Variants in ZNF700 observed in about 807,000 individuals in gnomAD.
The protein encoded by ZNF700 is zinc finger protein 700.
Under a neutral mutation model 65.3 loss-of-function variants are expected in ZNF700, and 38 were observed. That is an observed-to-expected ratio of 0.58 (90% confidence interval 0.45 to 0.76). The LOEUF is 0.76. Ranked by LOEUF, ZNF700 falls within the 30% of genes least tolerant of loss-of-function variation. The probability of loss-of-function intolerance (pLI) is 0.00; values close to 1 mark genes in which losing one functional copy is unlikely to be tolerated. For synonymous variants in ZNF700, 285 were observed against 290.4 expected, an observed-to-expected ratio of 0.98 and a Z score of 0.19; for missense variants, 857 against 888.4, an observed-to-expected ratio of 0.96 and a Z score of 0.45.
At chr19:11,939,436 CTACATAT>C (rs1475484608) in intron 1 of ZNF700, among the ~76,000 whole-genome samples, 1 of 152,158 alleles carries the variant, frequency 6.6e-6, no homozygotes, top group African/African-American at 2.4e-5. Context: ...TTTCAGCTTT[CTACATAT>C]GGCTAGCCAG....
At chr19:11,943,459 A>G (rs1481507567) in intron 1 of ZNF700, among the ~76,000 whole-genome samples, 1 of 152,094 alleles carries the variant, frequency 6.6e-6, no homozygotes, top group Non-Finnish European at 1.5e-5. Context: ...TAACCATATG[A>G]TCCGGTTGAG....
chr19:11,932,283 G>A (rs976147270), intron 1 of ZNF700, among the ~76,000 whole-genome samples: 2 of 147,768 alleles, frequency 1.4e-5, no homozygotes, highest in South Asian at 2.1e-4. Context: ...GTTCAAGGCT[G>A]CAGTGAGCTA....
intron 2 of ZNF700, 96 bp from the exon 3 acceptor site, chr19:11,947,418 T>G (rs1972977271): frequency 3.1e-6 from 5 of 1,602,026 alleles, no homozygotes; most frequent in Non-Finnish European, 3.4e-6. Flanking sequence ...GATGAATAAA[T>G]GAGGCATGGC....
In ZNF700 at chr19:11,950,613, T is replaced by A. The variant is rs557985724; in HGVS notation, c.*360T>A. On this transcript the variant is annotated 3_prime_UTR_variant, in exon 4 of 4. Transcript: ENST00000254321. ...AAGGGTTCACACTTGGGAGAAACTCTATGAATGTAAGCAGTATGGGAAAGC... is the reference window on the plus strand; with the variant it reads ...AAGGGTTCACACTTGGGAGAAACTCAATGAATGTAAGCAGTATGGGAAAGC... 2.9e-4 allele frequency: 130 copies of A among 446,688 alleles called. No homozygotes were observed. The highest frequency in any genetic ancestry group is 8.2e-4 in the Admixed American group (27 of 32,762). 27.7% of individuals were successfully genotyped at this position (446,688 alleles called of 1,614,324 possible).
At chr19:11,928,019 A>G (rs376353206) in intron 1 of ZNF700, among the ~76,000 whole-genome samples, 8 of 150,708 alleles carry the variant, frequency 5.3e-5, no homozygotes, top group East Asian at 3.9e-4. Flanking sequence ...TTTTTTTGAG[A>G]CAGTATCTTG....
intron 1 of ZNF700, among the ~76,000 whole-genome samples, chr19:11,928,454 C>T (rs777747233): frequency 8.0e-5 from 12 of 149,562 alleles, no homozygotes; most frequent in Non-Finnish European, 1.3e-4. Context: ...GTCTCTGGGC[C>T]GGGCGCGGTG....
intron 3 of ZNF700, 91 bp downstream of exon 3, chr19:11,947,665 T>C (rs1972982879): frequency 2.5e-6 from 3 of 1,214,826 alleles, no homozygotes; most frequent in Non-Finnish European, 1.2e-6. Flanking sequence ...AAGAACTAAA[T>C]CCAGCATCAA....
At chr19:11,939,390 A>G (rs1357166439) in intron 1 of ZNF700, among the ~76,000 whole-genome samples, 1 of 152,108 alleles carries the variant, frequency 6.6e-6, no homozygotes, top group Non-Finnish European at 1.5e-5. Flanking sequence ...TCCATCTTGA[A>G]TTAATTTTTG....
At chr19:11,927,057 T>C (rs1972639970) in intron 1 of ZNF700, among the ~76,000 whole-genome samples, 1 of 152,098 alleles carries the variant, frequency 6.6e-6, no homozygotes, top group African/African-American at 2.4e-5. Flanking sequence ...AGAGAGTTTA[T>C]TGAAAGCTAC....
intron 1 of ZNF700, among the ~76,000 whole-genome samples, chr19:11,942,951 T>C (rs1267580535): frequency 6.6e-6 from 1 of 152,172 alleles, no homozygotes; most frequent in East Asian, 1.9e-4. Context: ...AGTTCTCACT[T>C]TCATCCTTAC....
Position 11,935,060 on chromosome 19 carries a change from C to A in ZNF700, c.63+9787C>A, listed in dbSNP as rs1311958118. ...GGCATGGTGGCGGGCGCCTATAGTC[C>A]CAGCTACTGGGAGGCTGAGGCAGGA... On this transcript the variant is annotated intron_variant, in intron 1 of 3. Coordinates refer to ENST00000254321, the MANE Select transcript of ZNF700 (RefSeq NM_144566.3). 2.1e-5 allele frequency among the ~76,000 whole-genome samples: 3 copies of A among 144,578 alleles called. 1 individual carries two copies. The highest frequency in any genetic ancestry group is 4.5e-5 in the Non-Finnish European group (3 of 67,326). 94.8% of individuals were successfully genotyped at this position (144,578 alleles called of 152,430 possible).
chr19:11,946,362 C>CG (rs966072910), intron 1 of ZNF700, among the ~76,000 whole-genome samples: 18 of 151,992 alleles, frequency 1.2e-4, no homozygotes, highest in African/African-American at 4.1e-4. Flanking sequence ...TAGGTAAGGA[C>CG]GGGGGGCATT....
chr19:11,943,400 C>T (rs1354802414), intron 1 of ZNF700, among the ~76,000 whole-genome samples: 1 of 152,192 alleles, frequency 6.6e-6, no homozygotes, highest in Non-Finnish European at 1.5e-5. Context: ...CGGGCTAAAA[C>T]AGTTAAAGCT....
intron 1 of ZNF700, among the ~76,000 whole-genome samples, chr19:11,941,461 G>A (rs12979763): frequency 1.4e-4 from 22 of 152,326 alleles, no homozygotes; most frequent in African/African-American, 2.9e-4. Context: ...AGCTAAGGCC[G>A]GGTGAGAAAT....
At chr19:11,947,404 C>A in intron 2 of ZNF700, 97 bp downstream of exon 2, 3 of 1,603,742 alleles carry the variant, frequency 1.9e-6, no homozygotes, top group South Asian at 1.1e-5. Flanking sequence ...ACAGGAAATA[C>A]CTTGATGAAT....
Position 11,935,021 on chromosome 19 carries a change from G to C in ZNF700, c.63+9748G>C, listed in dbSNP as rs182189. On this transcript the variant is annotated intron_variant, in intron 1 of 3. Transcript: ENST00000254321. The stretch of plus-strand genomic sequence containing the variant: ...TGAAACCCCGTCTCTACTAAAAATA[G>C]AAAAAATTAGCCAGGCATGGTGGCG... 4.1e-5 allele frequency among the ~76,000 whole-genome samples: 6 copies of C among 145,550 alleles called. No homozygotes were observed. In the East Asian group the frequency reaches 6.2e-4, roughly 15 times the overall value.
chr19:11,950,322 C>A lies in ZNF700; in HGVS notation c.*69C>A. 1 of 1,468,782 alleles carries A rather than the reference C, an allele frequency of 6.8e-7. No individual in the cohort carries two copies. Among genetic ancestry groups the A allele is most frequent in the South Asian group, 1.2e-5 (1 of 81,618 alleles). 91.0% of individuals were successfully genotyped at this position (1,468,782 alleles called of 1,614,324 possible). A position where few individuals can be genotyped will look rare whatever the true frequency, so the allele number is the denominator to read the frequency against. ...AGCACTATGAATGCAAGCAATGTGGCAAAACTTTCACATTTTCCAGTTCTT... is the reference window on the plus strand; with the variant it reads ...AGCACTATGAATGCAAGCAATGTGGAAAAACTTTCACATTTTCCAGTTCTT... On this transcript the variant is annotated 3_prime_UTR_variant, in exon 4 of 4. Coordinates refer to ENST00000254321, the MANE Select transcript of ZNF700 (RefSeq NM_144566.3).
At chr19:11,944,750 G>A (rs758833118) in intron 1 of ZNF700, among the ~76,000 whole-genome samples, 6 of 152,196 alleles carry the variant, frequency 3.9e-5, no homozygotes, top group Non-Finnish European at 8.8e-5. Flanking sequence ...AGCCGGGACG[G>A]TTGGACCCTG....
At chr19:11,938,043 T>C (rs958853408) in intron 1 of ZNF700, among the ~76,000 whole-genome samples, 3 of 152,000 alleles carry the variant, frequency 2.0e-5, no homozygotes, top group Non-Finnish European at 4.4e-5. Flanking sequence ...TCAGATACCT[T>C]TTCTGCCTCT....
Sources: gnomAD v4.1 joint callset for allele counts (sites outside exome capture counted in the v4.1 genomes callset) on GRCh38, gnomAD v4.1.1 for gene constraint, MANE v1.5 for transcripts, NCBI Gene and HGNC (gene_info 2026-07-23, HGNC 2026-07-21) for gene names.